DSG4: variants seen among roughly 807,000 people sequenced by gnomAD.
DSG4 encodes the protein desmoglein 4, also known as desmoglein-4.
In DSG4, 87 loss-of-function variants were observed where a neutral mutation model predicts 93.1. That is an observed-to-expected ratio of 0.93 (90% CI 0.79 to 1.12). The LOEUF (loss-of-function observed/expected upper bound fraction) is 1.12, where lower values mean the gene tolerates loss of function less well. Among genes scored for constraint, DSG4 ranks in the 50% most tolerant of loss-of-function variants. The pLI is 0.00. For synonymous variants in DSG4, 432 were observed against 452.9 expected (o/e 0.95, Z 0.59); for missense variants, 1,373 against 1,285.7 (o/e 1.07, Z -1.04).
At chr18:31,401,700 A>T (rs1368466043) in intron 10 of DSG4, 1 of 152,196 alleles carries the variant, frequency 6.6e-6, no homozygotes, top group Non-Finnish European at 1.5e-5. Context: ...TGCCTAGGAA[A>T]CCAGCTGCTG....
intron 6 of DSG4, 45 bp downstream of exon 6, chr18:31,390,867 G>T (rs763904086): frequency 1.1e-5 from 17 of 1,593,470 alleles, no homozygotes; most frequent in Non-Finnish European, 1.4e-5. Flanking sequence ...ATTCAATTTT[G>T]AAAAGACAAA....
intron 12 of DSG4, among the ~76,000 whole-genome samples, chr18:31,408,141 C>G (rs879725655): frequency 6.6e-6 from 1 of 152,108 alleles, no homozygotes; most frequent in Non-Finnish European, 1.5e-5. Flanking sequence ...AGAGAGGGGG[C>G]AGTGTGATGG....
At position 31,413,032 on chromosome 18, in the gene DSG4, C is replaced by G; in HGVS notation, c.2560C>G (p.Pro854Ala). The change falls in exon 16 of 16, where the codon CCA becomes GCA. Residue 854 changes from proline (P) to alanine (A), a missense_variant. Transcript: ENST00000308128. ...AEICLNTEIE[P>A]FPSHQACIPI... ...GATCTGCTTAAACACAGAAATTGAACCATTTCCTTCACACCAGGCTTGTAT... is the reference window on the plus strand; with the variant it reads ...GATCTGCTTAAACACAGAAATTGAAGCATTTCCTTCACACCAGGCTTGTAT... 1 of 1,614,170 alleles carries G rather than the reference C, an allele frequency of 6.2e-7. No homozygotes were observed. Among genetic ancestry groups the G allele is most frequent in the Middle Eastern group, 1.6e-4 (1 of 6,062 alleles).
In DSG4 at chr18:31,392,168, T is replaced by C. The variant is rs2072256857; in HGVS notation, c.833T>C (p.Ile278Thr). Reference sequence around the variant, plus strand: ...CTTGCATTTTAGTACTCAGCCAGTATTGAAGAGAATTGTTTAAGTTCGGAA... The same window carrying C: ...CTTGCATTTTAGTACTCAGCCAGTACTGAAGAGAATTGTTTAAGTTCGGAA... ...TLEKTSYSASIEENCLSSELI... is the reference protein window; with the variant it reads ...TLEKTSYSASTEENCLSSELI... The change falls in exon 8 of 16, where the codon ATT becomes ACT. Residue 278 changes from isoleucine (I) to threonine (T), a missense_variant. By Grantham distance (89) the Ile-to-Thr change is moderately conservative. Transcript: ENST00000308128. The C allele has an allele frequency of 1.9e-6, 3 of 1,613,558 alleles. No individual in the cohort carries two copies. The highest frequency in any genetic ancestry group is 1.3e-5 in the African/African-American group (1 of 74,898).
At chr18:31,401,081 T>C in intron 10 of DSG4, 61 bp downstream of exon 10, 2 of 1,374,862 alleles carry the variant, frequency 1.5e-6, no homozygotes, top group Non-Finnish European at 2.0e-6. Context: ...AATATTATGT[T>C]ATTCTAATGC....
chr18:31,402,332 TG>T (rs1226972035), intron 10 of DSG4, among the ~76,000 whole-genome samples: 5 of 152,190 alleles, frequency 3.3e-5, no homozygotes, highest in African/African-American at 4.8e-5. Flanking sequence ...AGCAATAGCT[TG>T]AGCTTTGGTT....
chr18:31,412,859 G>T lies in DSG4; in HGVS notation c.2387G>T (p.Gly796Val), dbSNP rs148418252. The T allele has an allele frequency of 2.1e-4, 338 of 1,614,130 alleles. 1 individual carries two copies. In the African/African-American group the frequency reaches 2.7e-3, roughly 13 times the overall value. Residue 796 changes from glycine to valine, a missense_variant, in exon 16 of 16, where the codon GGT becomes GTT. Physicochemically the swap from Gly to Val is moderately radical, Grantham distance 109. Transcript: ENST00000308128. ...TATGCTTATGCAGATGAAGATGAAG[G>T]TCGACCAGCCAATGACTGCTTGCTC... The part of the protein sequence containing the change: ...KAYAYADEDE[G>V]RPANDCLLIY...
In DSG4 at chr18:31,413,459, T is replaced by C; in HGVS notation, c.2987T>C (p.Leu996Ser). 1.2e-6 allele frequency: 2 copies of C among 1,612,168 alleles called. No homozygotes were observed. The highest frequency in any genetic ancestry group is 8.5e-7 in the Non-Finnish European group (1 of 1,178,434). ...GGACCTGTGATGAGCGGCAATATTT[T>C]AGTAGGGCCAGAAATTCAAGTGATG... ...CMGPVMSGNI[L>S]VGPEIQVMQM... Residue 996 changes from leucine to serine, a missense_variant, in exon 16 of 16, where the codon TTA becomes TCA. Transcript: ENST00000308128.
intron 14 of DSG4, among the ~76,000 whole-genome samples, chr18:31,410,267 C>G (rs2072471891): frequency 6.6e-6 from 1 of 151,940 alleles, no homozygotes; most frequent in South Asian, 2.1e-4. Flanking sequence ...GTTTCCTTAT[C>G]TTTAAAATTG....
At chr18:31,409,715 T>A (rs1415818064) in intron 13 of DSG4, 30 bp from the exon 14 acceptor site, 1 of 1,614,164 alleles carries the variant, frequency 6.2e-7, no homozygotes, top group Non-Finnish European at 8.5e-7. Flanking sequence ...ATAAAGCGTT[T>A]GTTTTTAAAA....
rs1414731304 is a variant in DSG4, at chr18:31,386,759, C to G, written c.156C>G (p.Ile52Met). The G allele has an allele frequency of 6.2e-7, 1 of 1,613,446 alleles. No homozygotes were observed. The highest frequency in any genetic ancestry group is 1.1e-5 in the South Asian group (1 of 91,056). Residue 52 changes from isoleucine (I) to methionine (M), a missense_variant, in exon 3 of 16, where the codon ATC becomes ATG. Transcript: ENST00000308128. ...QTVRRQKREW[I>M]KFAAACREGE... The stretch of plus-strand genomic sequence containing the variant: ...TCAGAAGACAAAAGCGGGAGTGGAT[C>G]AAGTTTGCCGCAGCCTGTCGAGAAG...
chr18:31,377,992 C>T (rs1048631911), intron 1 of DSG4, among the ~76,000 whole-genome samples: 5 of 152,074 alleles, frequency 3.3e-5, no homozygotes, highest in Non-Finnish European at 7.4e-5. Context: ...GATGGGAGCA[C>T]GTCATTGTCC....
chr18:31,394,886 T>C (rs553201799), intron 8 of DSG4, among the ~76,000 whole-genome samples: 89 of 152,284 alleles, frequency 5.8e-4, no homozygotes, highest in Admixed American at 1.7e-3. Flanking sequence ...TATGTTCTTA[T>C]CATCTTAGTG....
rs377271913 is a variant in DSG4 at position 31,409,583 on chromosome 18, G to A, written c.2065G>A (p.Glu689Lys). 37 of 1,614,070 alleles carry A rather than the reference G, an allele frequency of 2.3e-5. No homozygotes were observed. Among genetic ancestry groups the A allele is most frequent in the Admixed American group, 3.3e-5 (2 of 60,006 alleles). The change falls in exon 13 of 16, where the codon GAG (glutamate) becomes AAG (lysine). Residue 689 changes from glutamate (E) to lysine (K), a missense_variant. Transcript: ENST00000308128. Reference sequence around the variant, plus strand: ...TTGGAGAATTGAAGGGGCCCATCCCGAGGACAGGGTAAGTGGACTGTCACT... The same window carrying A: ...TTGGAGAATTGAAGGGGCCCATCCCAAGGACAGGGTAAGTGGACTGTCACT... ...QSWRIEGAHP[E>K]DRDVSNICAP...
Position 31,411,345 on chromosome 18 carries a change from G to A in DSG4, c.2252G>A (p.Gly751Glu). Residue 751 changes from glycine to glutamate, a missense_variant, in exon 15 of 16, where the codon GGA becomes GAA. Gly to Glu is a moderately conservative substitution (Grantham distance 98). Coordinates refer to ENST00000308128, the MANE Select transcript of DSG4 (RefSeq NM_177986.5). ...AVGLMAAGAA[G>E]ASGAARKRSS... Reference sequence around the variant, plus strand: ...GGCCTCATGGCCGCAGGGGCCGCAGGAGCCTCAGGGGCCGCAAGGAAGAGG... The same window carrying A: ...GGCCTCATGGCCGCAGGGGCCGCAGAAGCCTCAGGGGCCGCAAGGAAGAGG... The A allele has an allele frequency of 6.2e-7, 1 of 1,614,120 alleles. No homozygotes were observed. The highest frequency in any genetic ancestry group is 8.5e-7 in the Non-Finnish European group (1 of 1,180,024).
chr18:31,389,822 G>T (rs1343135196), intron 5 of DSG4, among the ~76,000 whole-genome samples: 1 of 151,734 alleles, frequency 6.6e-6, no homozygotes, highest in East Asian at 1.9e-4. Context: ...ATTTTTTTTT[G>T]AACTAGGATA....
intron 14 of DSG4, among the ~76,000 whole-genome samples, chr18:31,410,955 C>A (rs938751051): frequency 6.6e-6 from 1 of 152,116 alleles, no homozygotes; most frequent in East Asian, 1.9e-4. Flanking sequence ...TTGTAGTTCT[C>A]TTGGCTAGTT....
chr18:31,382,071 A>G (rs1407892415), intron 1 of DSG4, among the ~76,000 whole-genome samples: 1 of 152,198 alleles, frequency 6.6e-6, no homozygotes, highest in Non-Finnish European at 1.5e-5. Context: ...ATAAAGGCAG[A>G]CAGGGAACCG....
intron 3 of DSG4, 41 bp downstream of exon 3, chr18:31,386,860 G>C (rs771279365): frequency 6.8e-6 from 11 of 1,611,326 alleles, no homozygotes; most frequent in Non-Finnish European, 7.6e-6. Flanking sequence ...CTTTTGCAGA[G>C]CAGGGAAGCT....
Sources: allele counts gnomAD v4.1 joint callset (sites outside exome capture counted in the v4.1 genomes callset), GRCh38; gene constraint gnomAD v4.1.1; transcripts MANE v1.5; gene names NCBI Gene and HGNC (gene_info 2026-07-23, HGNC 2026-07-21).